HTR4: variants seen among roughly 807,000 people sequenced by gnomAD.
HTR4 encodes 5-hydroxytryptamine receptor 4.
In HTR4, 16 loss-of-function variants were observed where a neutral mutation model predicts 36.8. That is an observed-to-expected ratio of 0.43 (90% CI 0.29 to 0.66). HTR4 has a LOEUF of 0.66. HTR4 is among the 30% of genes least tolerant of loss of function. The probability of loss-of-function intolerance (pLI) is 0.13; values close to 1 mark genes in which losing one functional copy is unlikely to be tolerated. For missense variants in HTR4, 438 were observed against 490.9 expected, an observed-to-expected ratio of 0.89 and a Z score of 1.02; for synonymous variants, 189 against 185.1, an observed-to-expected ratio of 1.02 and a Z score of -0.17.
intron 5 of HTR4, among the ~76,000 whole-genome samples, chr5:148,514,590 C>G (rs1230765892): frequency 6.6e-6 from 1 of 152,078 alleles, no homozygotes; most frequent in Non-Finnish European, 1.5e-5. Context: ...TGTCACTTAC[C>G]CTTCTTGGGA....
intron 4 of HTR4, among the ~76,000 whole-genome samples, chr5:148,528,195 A>C (rs890601038): frequency 3.9e-5 from 6 of 152,224 alleles, no homozygotes; most frequent in Non-Finnish European, 8.8e-5. Context: ...GTGACAGGTA[A>C]GGATATGAAT....
In HTR4 at chr5:148,548,637, A is replaced by T. The variant is rs376290580; in HGVS notation, c.353+31T>A. On this transcript the variant is annotated intron_variant, in intron 4 of 6. Coordinates refer to ENST00000377888, the MANE Select transcript of HTR4 (RefSeq NM_000870.7). ...CCATCAAGTCATGTCTCCAGCATGG[A>T]GCTCCGCTATGCACATTGTTCTGTC... is the stretch of plus-strand genomic sequence containing the variant. 5 of 1,533,432 alleles carry T rather than the reference A, an allele frequency of 3.3e-6. No individual in the cohort carries two copies. The African/African-American group carries it at 6.9e-5, about 21-fold the overall frequency. The allele number at this position is 1,533,432 out of a possible 1,614,324, so 95.0% of individuals were successfully genotyped here.
chr5:148,509,720 C>T lies in HTR4; in HGVS notation c.812G>A (p.Cys271Tyr), dbSNP rs200310099. Residue 271 changes from cysteine to tyrosine, a missense_variant, in exon 6 of 7, where the codon TGC becomes TAC. Coordinates refer to ENST00000377888, the MANE Select transcript of HTR4 (RefSeq NM_000870.7). ...LCIIMGCFCL[C>Y]WAPFFVTNIV... is the part of the protein sequence containing the mutation. ...ATTGGTGACAAAGAATGGTGCCCAGCAGAGGCAGAAGCAACCCATGATGAT... is the reference window on the plus strand; with the variant it reads ...ATTGGTGACAAAGAATGGTGCCCAGTAGAGGCAGAAGCAACCCATGATGAT... 1.9e-6 allele frequency: 3 copies of T among 1,614,100 alleles called. No individual in the cohort carries two copies. The highest frequency in any genetic ancestry group is 2.5e-6 in the Non-Finnish European group (3 of 1,180,010).
At chr5:148,455,802 A>T (rs28617172) in intron 5 of HTR4, among the ~76,000 whole-genome samples, 55,519 of 152,026 alleles carry the variant, frequency 0.37, 10,979 homozygotes, top group African/African-American at 0.52. Flanking sequence ...TAATAAAGTA[A>T]GCTACAGAAA....
intron 2 of HTR4, among the ~76,000 whole-genome samples, chr5:148,553,955 G>A (rs1759814882): frequency 6.6e-6 from 1 of 152,218 alleles, no homozygotes; most frequent in African/African-American, 2.4e-5. Context: ...TTATTCACAA[G>A]AGCCCAAAGG....
intron 2 of HTR4, chr5:148,629,116 T>C (rs1753227616): frequency 2.0e-5 from 3 of 152,050 alleles, no homozygotes; most frequent in Non-Finnish European, 4.4e-5. Context: ...TAAAGATTGG[T>C]AATAAAAGAA....
At chr5:148,591,703 T>A (rs750663423) in intron 2 of HTR4, among the ~76,000 whole-genome samples, 1 of 152,126 alleles carries the variant, frequency 6.6e-6, no homozygotes, top group Non-Finnish European at 1.5e-5. Flanking sequence ...TGAACAATAC[T>A]CAGTATCACT....
At chr5:148,646,578 T>C (rs2127316978) in intron 1 of HTR4, among the ~76,000 whole-genome samples, 1 of 152,306 alleles carries the variant, frequency 6.6e-6, no homozygotes, top group South Asian at 2.1e-4. Context: ...AAGGCTGCTG[T>C]CTACAATCTC....
intron 4 of HTR4, among the ~76,000 whole-genome samples, chr5:148,529,356 A>T (rs1234179123): frequency 6.6e-6 from 1 of 152,110 alleles, no homozygotes; most frequent in Non-Finnish European, 1.5e-5. Flanking sequence ...GGAGGGACCA[A>T]GTGGGAGGTG....
chr5:148,577,177 A>T (rs569148388), intron 2 of HTR4, among the ~76,000 whole-genome samples: 8 of 152,276 alleles, frequency 5.3e-5, no homozygotes, highest in African/African-American at 1.9e-4. Flanking sequence ...CCATTTTCCA[A>T]AAAAAGACAT....
chr5:148,549,000 G>T, intron 3 of HTR4, 132 bp from the exon 4 acceptor site: 1 of 673,612 alleles, frequency 1.5e-6, no homozygotes, highest in South Asian at 1.9e-5. Flanking sequence ...GGGGAAAGAG[G>T]AAAGAAAAAG....
At chr5:148,610,575 G>GA (rs1394449889) in intron 2 of HTR4, among the ~76,000 whole-genome samples, 5 of 152,036 alleles carry the variant, frequency 3.3e-5, no homozygotes, top group South Asian at 2.1e-4. Flanking sequence ...CAAAGATGGG[G>GA]AAAAAACAGA....
chr5:148,458,862 A>G (rs984361628), intron 5 of HTR4, among the ~76,000 whole-genome samples: 1 of 152,214 alleles, frequency 6.6e-6, no homozygotes, highest in Non-Finnish European at 1.5e-5. Context: ...TATGTTTTTA[A>G]TGAACATTCT....
intron 5 of HTR4, among the ~76,000 whole-genome samples, chr5:148,453,267 T>C (rs998296642): frequency 6.6e-6 from 1 of 152,208 alleles, no homozygotes; most frequent in Non-Finnish European, 1.5e-5. Context: ...AAGGTCTAAA[T>C]TTCTGCTCAG....
intron 4 of HTR4, among the ~76,000 whole-genome samples, chr5:148,536,556 G>A (rs555027142): frequency 6.6e-4 from 100 of 152,092 alleles, no homozygotes; most frequent in African/African-American, 2.4e-3. Flanking sequence ...AGTCTACCAA[G>A]CAAATGGAAA....
intron 4 of HTR4, among the ~76,000 whole-genome samples, chr5:148,537,196 GA>G (rs2113824585): frequency 6.6e-6 from 1 of 152,190 alleles, no homozygotes; most frequent in African/African-American, 2.4e-5. Context: ...CTAATGAGAA[GA>G]AAGATATAAC....
chr5:148,594,086 ATTC>A (rs1761676727), intron 2 of HTR4, among the ~76,000 whole-genome samples: 1 of 152,312 alleles, frequency 6.6e-6, no homozygotes, highest in South Asian at 2.1e-4. Context: ...CAGCAACAAT[ATTC>A]TTCTTTTTAG....
At chr5:148,537,355 C>G (rs191195906) in intron 4 of HTR4, among the ~76,000 whole-genome samples, 5 of 151,992 alleles carry the variant, frequency 3.3e-5, no homozygotes, top group African/African-American at 1.2e-4. Flanking sequence ...AAATCAACCC[C>G]AAAAATAGCA....
intron 5 of HTR4, among the ~76,000 whole-genome samples, chr5:148,456,082 TG>T (rs1315108694): frequency 1.3e-5 from 2 of 152,078 alleles, no homozygotes. Flanking sequence ...GTATGGTGAC[TG>T]ATAGACACAG....
Sources: allele counts gnomAD v4.1 joint callset (sites outside exome capture counted in the v4.1 genomes callset), GRCh38; gene constraint gnomAD v4.1.1; transcripts MANE v1.5; gene names NCBI Gene and HGNC (gene_info 2026-07-23, HGNC 2026-07-21).